Variants in VPS33A observed in about 807,000 individuals in gnomAD.
The protein encoded by VPS33A is vacuolar protein sorting-associated protein 33A.
Under a neutral mutation model 71.8 loss-of-function variants are expected in VPS33A, and 32 were observed. The observed-to-expected ratio is 0.45, with a 90% CI of 0.34 to 0.60. VPS33A has a LOEUF of 0.60. Among genes scored for constraint, VPS33A ranks in the 20% least tolerant of loss-of-function variants. The probability of loss-of-function intolerance (pLI) is 0.02; values close to 1 mark genes in which losing one functional copy is unlikely to be tolerated. For missense variants in VPS33A, 625 were observed against 748.5 expected, an observed-to-expected ratio of 0.84 and a Z score of 1.92; for synonymous variants, 311 against 292.7, an observed-to-expected ratio of 1.06 and a Z score of -0.64.
chr12:122,254,659 C>A (rs1349474839), intron 4 of VPS33A, among the ~76,000 whole-genome samples: 1 of 152,148 alleles, frequency 6.6e-6, no homozygotes, highest in Non-Finnish European at 1.5e-5. Context: ...GATCCGCCCA[C>A]CTCAGCCTCC....
At chr12:122,235,738 G>C in intron 11 of VPS33A, 48 bp downstream of exon 11, 1 of 1,551,352 alleles carries the variant, frequency 6.4e-7, no homozygotes, top group South Asian at 1.2e-5. Context: ...TCACCTGGAC[G>C]ATCTAACCAG....
chr12:122,237,799 C>G (rs906662116), intron 10 of VPS33A, among the ~76,000 whole-genome samples: 1 of 150,130 alleles, frequency 6.7e-6, no homozygotes, highest in Non-Finnish European at 1.5e-5. Flanking sequence ...ATAGTAAATG[C>G]TCAAGAAATG....
chr12:122,237,756 G>A lies in VPS33A; in HGVS notation c.1302+831C>T, dbSNP rs369241239. ...GTCAGGGTACAGAGCCACCGCGCCC[G>A]GCCTATAAAGTTTTTCCAATAGATC... On this transcript the variant is annotated intron_variant, in intron 10 of 12. Transcript: ENST00000267199. 7.1e-5 allele frequency among the ~76,000 whole-genome samples: 10 copies of A among 140,352 alleles called. 2 individuals are homozygous for A. The highest frequency in any genetic ancestry group is 4.9e-4 in the Admixed American group (7 of 14,402). 92.1% of individuals were successfully genotyped at this position (140,352 alleles called of 152,430 possible).
At chr12:122,239,474 G>T (rs1045136673) in intron 9 of VPS33A, among the ~76,000 whole-genome samples, 1 of 152,108 alleles carries the variant, frequency 6.6e-6, no homozygotes, top group Non-Finnish European at 1.5e-5. Context: ...AGTGACTCAC[G>T]CCTGTAATCC....
chr12:122,257,038 A>T (rs1298746315), intron 4 of VPS33A, among the ~76,000 whole-genome samples: 1 of 152,174 alleles, frequency 6.6e-6, no homozygotes, highest in Non-Finnish European at 1.5e-5. Context: ...ATTATATACT[A>T]TGAGCTGTAG....
At chr12:122,261,039 C>T (rs750845677) in intron 4 of VPS33A, among the ~76,000 whole-genome samples, 5 of 152,182 alleles carry the variant, frequency 3.3e-5, no homozygotes, top group Non-Finnish European at 7.4e-5. Context: ...AAGATACTTG[C>T]AGCTTTTATA....
chr12:122,262,618 T>TG (rs1439232603), intron 3 of VPS33A, among the ~76,000 whole-genome samples: 1 of 151,372 alleles, frequency 6.6e-6, no homozygotes, highest in African/African-American at 2.4e-5. Context: ...TTTTTTTTTT[T>TG]GCTTATGAAA....
At position 122,264,133 on chromosome 12, in the gene VPS33A, C is replaced by A; in HGVS notation, c.168+1G>T. On this transcript the variant is annotated splice_donor_variant, in intron 2 of 12. Coordinates refer to ENST00000267199, the MANE Select transcript of VPS33A (RefSeq NM_022916.6). LOFTEE classifies it high-confidence loss of function. The stretch of plus-strand genomic sequence containing the variant: ...TAACAAAACCCAAATAGCTCATTTA[C>A]CTTCAATAGTGAATACTGTGCAATC... 6.5e-7 allele frequency: 1 copy of A among 1,537,068 alleles called. No individual in the cohort carries two copies. The highest frequency in any genetic ancestry group is 8.8e-7 in the Non-Finnish European group (1 of 1,130,018).
intron 6 of VPS33A, chr12:122,248,538 A>AAG (rs1430030103): frequency 4.6e-5 from 7 of 152,290 alleles, no homozygotes; most frequent in Admixed American, 2.0e-4. Context: ...TGATCTACCT[A>AAG]ATCACCCACC....
chr12:122,251,111 A>G lies in VPS33A; in HGVS notation c.484-12T>C. On this transcript the variant is annotated splice_polypyrimidine_tract_variant and intron_variant, in intron 4 of 12. Transcript: ENST00000267199. Reference sequence around the variant, plus strand: ...TCCAGGTAGCACTCCTGTGAGGGAAAAGGCCAATTATTGCCAGGCCATGGG... The same window carrying G: ...TCCAGGTAGCACTCCTGTGAGGGAAGAGGCCAATTATTGCCAGGCCATGGG... 6.2e-7 allele frequency: 1 copy of G among 1,604,560 alleles called. No individual in the cohort carries two copies. The highest frequency in any genetic ancestry group is 1.1e-5 in the South Asian group (1 of 90,702).
intron 4 of VPS33A, among the ~76,000 whole-genome samples, chr12:122,255,134 C>T (rs1159353974): frequency 2.0e-5 from 3 of 151,924 alleles, no homozygotes; most frequent in Non-Finnish European, 4.4e-5. Context: ...CTCCTCTGCA[C>T]AGATTTTGTC....
chr12:122,264,221 C>A (rs772254972), intron 1 of VPS33A, 22 bp from the exon 2 acceptor site: 1 of 1,507,444 alleles, frequency 6.6e-7, no homozygotes, highest in Admixed American at 1.8e-5. Flanking sequence ...GAGAAACATT[C>A]TCTTATTATA....
chr12:122,253,918 C>A (rs1215913981), intron 4 of VPS33A, among the ~76,000 whole-genome samples: 1 of 152,020 alleles, frequency 6.6e-6, no homozygotes, highest in Non-Finnish European at 1.5e-5. Context: ...AGGCTGGTCT[C>A]GAACCCCTAA....
At chr12:122,258,485 T>A (rs1954947728) in intron 4 of VPS33A, among the ~76,000 whole-genome samples, 1 of 152,130 alleles carries the variant, frequency 6.6e-6, no homozygotes, top group African/African-American at 2.4e-5. Context: ...ATTTAGAATC[T>A]ATTAAGAATT....
chr12:122,236,021 T>C (rs1593194125), intron 10 of VPS33A, 98 bp from the exon 11 acceptor site: 1 of 1,435,914 alleles, frequency 7.0e-7, no homozygotes, highest in Admixed American at 2.2e-5. Flanking sequence ...TGGTTTGTAC[T>C]GCAGGACATG....
In VPS33A at chr12:122,263,574, G is replaced by A; in HGVS notation, c.294C>T (p.Leu98=). The A allele has an allele frequency of 1.2e-6, 2 of 1,603,996 alleles. No homozygotes were observed. Among genetic ancestry groups the A allele is most frequent in the South Asian group, 2.2e-5 (2 of 90,132 alleles). The change falls in exon 3 of 13, where the codon CTC becomes CTT. Residue 98 remains leucine, a splice_region_variant and synonymous_variant. Coordinates refer to ENST00000267199, the MANE Select transcript of VPS33A (RefSeq NM_022916.6). ...ATCAAACACAAGCTCTGAGATACCT[G>A]AGCACGTTTTCAGCGATTATATCCA... is the stretch of plus-strand genomic sequence containing the variant. ...ELMDIIAENV[L]SEDRRGPTRD...
intron 11 of VPS33A, among the ~76,000 whole-genome samples, chr12:122,235,151 GGTTTTGCCAT>G (rs1278097953): frequency 6.6e-6 from 1 of 151,924 alleles, no homozygotes; most frequent in Non-Finnish European, 1.5e-5. Context: ...GTAGAGACAA[GGTTTTGCCAT>G]GTTGCCCAGG....
intron 4 of VPS33A, among the ~76,000 whole-genome samples, chr12:122,256,795 T>C (rs1745052571): frequency 6.6e-6 from 1 of 152,144 alleles, no homozygotes; most frequent in Non-Finnish European, 1.5e-5. Flanking sequence ...AACAGGCTCA[T>C]TCTCGGCAGC....
At chr12:122,238,994 C>T (rs1052909875) in intron 9 of VPS33A, among the ~76,000 whole-genome samples, 8 of 123,796 alleles carry the variant, frequency 6.5e-5, no homozygotes, top group Non-Finnish European at 1.3e-4. Flanking sequence ...CACATACATA[C>T]ATACACACAC....
Sources: gnomAD v4.1 joint callset for allele counts (sites outside exome capture counted in the v4.1 genomes callset) on GRCh38, gnomAD v4.1.1 for gene constraint, MANE v1.5 for transcripts, NCBI Gene and HGNC (gene_info 2026-07-23, HGNC 2026-07-21) for gene names.